ABTB3: variants seen among roughly 807,000 people sequenced by gnomAD.
ABTB3 encodes ankyrin repeat and BTB domain containing 3, also known as ankyrin repeat- and BTB/POZ domain-containing protein 3.
the ABTB3 span, chr12:107,318,729 T>G: frequency 1.8e-6 from 1 of 541,842 alleles, no homozygotes; most frequent in Non-Finnish European, 3.2e-6. Context: ...CGGCCCGGAC[T>G]CTGGAAGATG....
chr12:107,646,739 C>T, the ABTB3 span, among the ~76,000 whole-genome samples: 3 of 152,116 alleles, frequency 2.0e-5, no homozygotes, highest in Non-Finnish European at 4.4e-5. Flanking sequence ...GTGTGCCAAG[C>T]CCTGGGATAC....
At chr12:107,561,054 C>A in the ABTB3 span, among the ~76,000 whole-genome samples, 1 of 152,158 alleles carries the variant, frequency 6.6e-6, no homozygotes, top group East Asian at 1.9e-4. Context: ...AGTGTGCTGG[C>A]GGAAGAAGGT....
At chr12:107,319,157 C>G in the ABTB3 span, 1 of 1,601,852 alleles carries the variant, frequency 6.2e-7, no homozygotes. Flanking sequence ...CAACACTGCC[C>G]TGGTGGAAGA....
chr12:107,371,600 T>G, the ABTB3 span, among the ~76,000 whole-genome samples: 1 of 152,194 alleles, frequency 6.6e-6, no homozygotes, highest in East Asian at 1.9e-4. Context: ...ACTCCTGGAG[T>G]TAAGGAGGTA....
the ABTB3 span, among the ~76,000 whole-genome samples, chr12:107,510,369 C>T: frequency 6.6e-6 from 1 of 151,838 alleles, no homozygotes; most frequent in African/African-American, 2.4e-5. Context: ...CACGGTCAGC[C>T]CCTCCCCAGC....
At chr12:107,637,103 A>G in the ABTB3 span, among the ~76,000 whole-genome samples, 1 of 152,194 alleles carries the variant, frequency 6.6e-6, no homozygotes, top group African/African-American at 2.4e-5. Flanking sequence ...ATGTTTACTG[A>G]GGGATACTCA....
chr12:107,658,959 G>A, the ABTB3 span: 1 of 152,586 alleles, frequency 6.6e-6, no homozygotes, highest in East Asian at 1.9e-4. Flanking sequence ...GGGTTTCGTT[G>A]GCTCTGCCAT....
At chr12:107,544,147 C>T in the ABTB3 span, 300 of 1,612,716 alleles carry the variant, frequency 1.9e-4, no homozygotes, top group African/African-American at 3.5e-3. Context: ...AAGGTAAGAA[C>T]TGCCTTGCCT....
the ABTB3 span, chr12:107,649,285 C>T: frequency 3.7e-6 from 6 of 1,610,744 alleles, no homozygotes; most frequent in African/African-American, 8.0e-5. Context: ...GTAAGGGATC[C>T]ATTGTGGTGT....
the ABTB3 span, among the ~76,000 whole-genome samples, chr12:107,454,558 C>T: frequency 6.6e-6 from 1 of 152,170 alleles, no homozygotes; most frequent in African/African-American, 2.4e-5. Flanking sequence ...GCTTGTGTGT[C>T]TTGGGGAGCA....
chr12:107,656,449 G>A, the ABTB3 span, among the ~76,000 whole-genome samples: 3 of 152,222 alleles, frequency 2.0e-5, no homozygotes, highest in African/African-American at 7.2e-5. Context: ...TTTTGCAAAA[G>A]GAGCCAGAGA....
At chr12:107,365,377 T>C in the ABTB3 span, among the ~76,000 whole-genome samples, 1 of 152,166 alleles carries the variant, frequency 6.6e-6, no homozygotes, top group Non-Finnish European at 1.5e-5. Context: ...TTTTGGGGGA[T>C]ATGAAGGAAA....
At chr12:107,550,513 AAAAC>A in the ABTB3 span, among the ~76,000 whole-genome samples, 9 of 151,162 alleles carry the variant, frequency 6.0e-5, no homozygotes, top group Non-Finnish European at 8.9e-5. Context: ...AAAAAAATGA[AAAAC>A]AACAACAACA....
chr12:107,642,635 G>A, the ABTB3 span, among the ~76,000 whole-genome samples: 4 of 152,176 alleles, frequency 2.6e-5, no homozygotes, highest in South Asian at 8.3e-4. Flanking sequence ...AAGAAAGTTG[G>A]TTAGAACATT....
chr12:107,392,872 TTCTCTGACCTGGGGAAGC>T, the ABTB3 span, among the ~76,000 whole-genome samples: 2 of 152,326 alleles, frequency 1.3e-5, no homozygotes, highest in South Asian at 2.1e-4. Context: ...TGTAAAGAGT[TTCTCTGACCTGGGGAAGC>T]TCTCCCGCCC....
the ABTB3 span, among the ~76,000 whole-genome samples, chr12:107,470,009 T>TC: frequency 4.1e-4 from 41 of 100,286 alleles, 3 homozygotes; most frequent in Middle Eastern, 4.5e-3. Flanking sequence ...TCTTTCTTTC[T>TC]TTCTCTCTCT....
chr12:107,436,230 C>T, the ABTB3 span, among the ~76,000 whole-genome samples: 1 of 152,216 alleles, frequency 6.6e-6, no homozygotes, highest in African/African-American at 2.4e-5. Flanking sequence ...ACTGAAGACT[C>T]TCCAAGGGGT....
At chr12:107,576,808 T>C in the ABTB3 span, among the ~76,000 whole-genome samples, 1 of 152,156 alleles carries the variant, frequency 6.6e-6, no homozygotes, top group Admixed American at 6.5e-5. Context: ...ACTCTTGATA[T>C]CTTTTAATCT....
chr12:107,476,891 T>A, the ABTB3 span, among the ~76,000 whole-genome samples: 1,887 of 152,272 alleles, frequency 0.012, 23 homozygotes, highest in Non-Finnish European at 0.02. Context: ...TCCTTATTCA[T>A]TTCATATCTA....
Sources: allele counts gnomAD v4.1 joint callset (sites outside exome capture counted in the v4.1 genomes callset), GRCh38; gene constraint gnomAD v4.1.1; transcripts MANE v1.5; gene names NCBI Gene and HGNC (gene_info 2026-07-23, HGNC 2026-07-21).